Variants in PIK3CB observed in about 807,000 individuals in gnomAD.
The protein encoded by PIK3CB is phosphatidylinositol-4,5-bisphosphate 3-kinase catalytic subunit beta.
In PIK3CB, 39 loss-of-function variants were observed where a neutral mutation model predicts 136.8. The ratio of observed to expected loss-of-function variants is 0.29; its 90% CI spans 0.22 to 0.37. The LOEUF (loss-of-function observed/expected upper bound fraction) is 0.37, where lower values mean the gene tolerates loss of function less well. Among genes scored for constraint, PIK3CB ranks in the 10% least tolerant of loss-of-function variants. The pLI, the probability that PIK3CB is intolerant of heterozygous loss-of-function variation, is 1.00. For missense variants in PIK3CB, 868 were observed against 1,275.4 expected (o/e 0.68, Z 4.87); for synonymous variants, 428 against 436.6 (o/e 0.98, Z 0.25).
At chr3:138,794,657 C>T (rs1186561622) in intron 2 of PIK3CB, among the ~76,000 whole-genome samples, 4 of 152,150 alleles carry the variant, frequency 2.6e-5, no homozygotes, top group Non-Finnish European at 5.9e-5. Context: ...ACTCTGCTAG[C>T]TGCTAGGGTT....
chr3:138,801,062 T>C (rs573929788), intron 1 of PIK3CB, among the ~76,000 whole-genome samples: 1 of 152,302 alleles, frequency 6.6e-6, no homozygotes, highest in Non-Finnish European at 1.5e-5. Flanking sequence ...ATTCATTATG[T>C]AGGATGTAGC....
chr3:138,745,655 T>C (rs2045340378), intron 4 of PIK3CB, among the ~76,000 whole-genome samples: 1 of 152,074 alleles, frequency 6.6e-6, no homozygotes, highest in African/African-American at 2.4e-5. Flanking sequence ...AGCCCCTTAC[T>C]GGCAAAGTAG....
At chr3:138,762,922 T>G (rs887628287) in intron 2 of PIK3CB, among the ~76,000 whole-genome samples, 1 of 151,880 alleles carries the variant, frequency 6.6e-6, no homozygotes, top group African/African-American at 2.4e-5. Context: ...ATTACACCAC[T>G]GCACTCCAGC....
chr3:138,695,809 C>A (rs1324248474), intron 13 of PIK3CB, among the ~76,000 whole-genome samples: 6 of 151,972 alleles, frequency 3.9e-5, no homozygotes, highest in Admixed American at 3.9e-4. Flanking sequence ...TACAATAGTG[C>A]AATCTTGGCT....
chr3:138,821,891 C>T (rs1933576910), intron 1 of PIK3CB, among the ~76,000 whole-genome samples: 1 of 151,834 alleles, frequency 6.6e-6, no homozygotes, highest in African/African-American at 2.4e-5. Context: ...TTGGTTCACA[C>T]CTGTAATCCC....
intron 10 of PIK3CB, among the ~76,000 whole-genome samples, chr3:138,708,720 G>A (rs2044431869): frequency 6.6e-6 from 1 of 150,986 alleles, no homozygotes; most frequent in South Asian, 2.1e-4. Flanking sequence ...TGGGACTACA[G>A]GCACACACAC....
chr3:138,737,750 C>T lies in PIK3CB; in HGVS notation c.758G>A (p.Arg253Lys), dbSNP rs770953357. The change falls in exon 6 of 24, where the codon AGA (arginine) becomes AAA (lysine). Residue 253 changes from arginine (R) to lysine (K), a missense_variant. Around this residue, in one of 4 missense-constraint regions of PIK3CB, gnomAD observed 612 missense variants for 801.1 expected, o/e 0.76. Coordinates refer to ENST00000674063, the MANE Select transcript of PIK3CB (RefSeq NM_006219.3). ...ATGATCACCAAAAACATATTCTACT[C>T]TCCCGCTGACTTGCAACACATAATC... ...PYDYVLQVSG[R>K]VEYVFGDHPL... is the part of the protein sequence containing the mutation. The T allele has an allele frequency of 4.3e-6, 7 of 1,611,046 alleles. 1 individual carries two copies. The highest frequency in any genetic ancestry group is 1.7e-4 in the Middle Eastern group (1 of 6,044).
chr3:138,655,728 G>A (rs2043180157), intron 23 of PIK3CB, among the ~76,000 whole-genome samples: 1 of 152,172 alleles, frequency 6.6e-6, no homozygotes, highest in Non-Finnish European at 1.5e-5. Flanking sequence ...GGTTTTTGAA[G>A]ATGAAAATAA....
chr3:138,817,456 T>G (rs1184900022), intron 1 of PIK3CB, among the ~76,000 whole-genome samples: 3 of 152,086 alleles, frequency 2.0e-5, no homozygotes, highest in African/African-American at 4.8e-5. Flanking sequence ...ACAGAGGTTG[T>G]GGTGAGCTGA....
At chr3:138,732,759 G>A (rs188590897) in intron 8 of PIK3CB, among the ~76,000 whole-genome samples, 79 of 150,188 alleles carry the variant, frequency 5.3e-4, no homozygotes, top group Non-Finnish European at 1.0e-4. Flanking sequence ...GGGGTTCAGT[G>A]CAGCTCTAGG....
intron 2 of PIK3CB, among the ~76,000 whole-genome samples, chr3:138,788,205 G>A (rs1160148784): frequency 1.3e-5 from 2 of 151,998 alleles, no homozygotes; most frequent in Admixed American, 6.6e-5. Context: ...TTGCAGGCAT[G>A]AGCCACCACG....
At chr3:138,810,058 G>A (rs952377455) in intron 1 of PIK3CB, among the ~76,000 whole-genome samples, 1 of 152,064 alleles carries the variant, frequency 6.6e-6, no homozygotes, top group Non-Finnish European at 1.5e-5. Flanking sequence ...ACAGGAAATC[G>A]TGAAAGGGAC....
intron 2 of PIK3CB, among the ~76,000 whole-genome samples, chr3:138,795,579 C>G (rs2046100611): frequency 1.3e-5 from 2 of 151,940 alleles, no homozygotes; most frequent in Admixed American, 6.6e-5. Flanking sequence ...TGCAGTTAGC[C>G]AAGATGGTGC....
chr3:138,681,155 T>C (rs1419634522), intron 19 of PIK3CB, among the ~76,000 whole-genome samples: 1 of 150,738 alleles, frequency 6.6e-6, no homozygotes, highest in Non-Finnish European at 1.5e-5. Flanking sequence ...TAAGCGATTC[T>C]CATGCCTCAG....
chr3:138,734,891 A>C, intron 6 of PIK3CB, 87 bp from the exon 7 acceptor site: 4 of 792,928 alleles, frequency 5.0e-6, no homozygotes, highest in South Asian at 3.1e-5. Context: ...ACACTATATC[A>C]AATGCACTGT....
At chr3:138,684,482 A>G in intron 17 of PIK3CB, 143 bp downstream of exon 17, 1 of 492,158 alleles carries the variant, frequency 2.0e-6, no homozygotes. Context: ...ATATAAGCAT[A>G]GCCTCGGAGA....
intron 18 of PIK3CB, among the ~76,000 whole-genome samples, chr3:138,682,341 C>T (rs574518385): frequency 1.3e-5 from 2 of 152,216 alleles, no homozygotes; most frequent in South Asian, 4.2e-4. Context: ...ATTCTACCTC[C>T]CGAGGCTGAC....
intron 2 of PIK3CB, among the ~76,000 whole-genome samples, chr3:138,783,528 C>CGG (rs112219975): frequency 3.3e-5 from 5 of 152,234 alleles, no homozygotes; most frequent in African/African-American, 1.2e-4. Flanking sequence ...CCCCATCCCC[C>CGG]GGCCTTGGTC....
At chr3:138,790,861 G>T (rs2046040906) in intron 2 of PIK3CB, among the ~76,000 whole-genome samples, 1 of 150,874 alleles carries the variant, frequency 6.6e-6, no homozygotes, top group Non-Finnish European at 1.5e-5. Flanking sequence ...TACTCAGGAG[G>T]CTGAGGCAGG....
Sources: gnomAD v4.1 joint callset for allele counts (sites outside exome capture counted in the v4.1 genomes callset) on GRCh38, gnomAD v4.1.1 for gene constraint, gnomAD v4.1.1 regional missense constraint, MANE v1.5 for transcripts, NCBI Gene and HGNC (gene_info 2026-07-23, HGNC 2026-07-21) for gene names.